ATAT1: variants seen among roughly 807,000 people sequenced by gnomAD.
ATAT1 encodes the protein alpha tubulin acetyltransferase 1, also known as alpha-tubulin N-acetyltransferase 1.
A neutral mutation model predicts 57.2 loss-of-function variants in ATAT1; 42 were observed. The observed-to-expected ratio is 0.73, with a 90% CI of 0.57 to 0.95. The LOEUF (loss-of-function observed/expected upper bound fraction) is 0.95, where lower values mean the gene tolerates loss of function less well. Among genes scored for constraint, ATAT1 ranks in the 40% least tolerant of loss-of-function variants. The pLI is 0.00. For synonymous variants in ATAT1, 168 were observed against 187.1 expected, an observed-to-expected ratio of 0.90 and a Z score of 0.83; for missense variants, 454 against 523.7, an observed-to-expected ratio of 0.87 and a Z score of 1.30.
chr6:30,627,728 G>A lies in ATAT1; in HGVS notation c.224+1G>A. On this transcript the variant is annotated splice_donor_variant, in intron 3 of 12. Coordinates refer to ENST00000330083, the MANE Select transcript of ATAT1 (RefSeq NM_001031722.4). LOFTEE classifies it high-confidence loss of function. The stretch of plus-strand genomic sequence containing the variant: ...TTCTCAAAGACAGTTCAGCCCGACC[G>A]TGAGTGCCACATGCTCTTCCATCCC... 1.2e-6 allele frequency: 2 copies of A among 1,612,018 alleles called. No homozygotes were observed. The highest frequency in any genetic ancestry group is 1.7e-6 in the Non-Finnish European group (2 of 1,179,108).
Position 30,643,002 on chromosome 6 carries a change from G to C in ATAT1, c.923G>C (p.Arg308Pro). The change falls in exon 10 of 13, where the codon CGT becomes CCT. Residue 308 changes from arginine to proline, a missense_variant. Coordinates refer to ENST00000330083, the MANE Select transcript of ATAT1 (RefSeq NM_001031722.4). ...CCTGGGGGCAGCCCAGCTCAACGTCGTCGCACCAGGTAATAGGAGTTGAAG... is the reference window on the plus strand; with the variant it reads ...CCTGGGGGCAGCCCAGCTCAACGTCCTCGCACCAGGTAATAGGAGTTGAAG... The C allele has an allele frequency of 1.2e-6, 2 of 1,612,462 alleles. No individual in the cohort carries two copies. Among genetic ancestry groups the C allele is most frequent in the Non-Finnish European group, 1.7e-6 (2 of 1,179,284 alleles).
chr6:30,637,870 G>A (rs989228596), intron 6 of ATAT1, among the ~76,000 whole-genome samples: 1 of 152,088 alleles, frequency 6.6e-6, no homozygotes, highest in Non-Finnish European at 1.5e-5. Flanking sequence ...CAGCTGCTCC[G>A]GAGGCTGAGG....
chr6:30,642,734 T>G, intron 9 of ATAT1, 34 bp from the exon 10 acceptor site: 1 of 1,393,576 alleles, frequency 7.2e-7, no homozygotes, highest in Non-Finnish European at 1.0e-6. Flanking sequence ...TTTTCTTCTT[T>G]TTCTGTCTTG....
chr6:30,629,425 G>A (rs1416492826), intron 6 of ATAT1, among the ~76,000 whole-genome samples: 4 of 151,788 alleles, frequency 2.6e-5, no homozygotes, highest in African/African-American at 9.7e-5. Flanking sequence ...TGTATTTTTA[G>A]TAGAGATGGA....
chr6:30,638,180 G>A (rs1003435448), intron 6 of ATAT1, among the ~76,000 whole-genome samples: 1 of 151,966 alleles, frequency 6.6e-6, no homozygotes, highest in East Asian at 2.0e-4. Flanking sequence ...CCCGGCCCAC[G>A]CCTGGCTAAT....
At chr6:30,630,258 T>C (rs1407677044) in intron 6 of ATAT1, among the ~76,000 whole-genome samples, 1 of 151,842 alleles carries the variant, frequency 6.6e-6, no homozygotes, top group African/African-American at 2.4e-5. Context: ...GAGGCAGAGG[T>C]TGCAGTGAGC....
At chr6:30,630,919 C>A (rs1024293648) in intron 6 of ATAT1, among the ~76,000 whole-genome samples, 1 of 148,182 alleles carries the variant, frequency 6.7e-6, no homozygotes. Flanking sequence ...CCCTGGGGGA[C>A]GAAGCGAGAC....
At chr6:30,644,769 T>C (rs1766328166) in intron 10 of ATAT1, 1 of 486,470 alleles carries the variant, frequency 2.1e-6, no homozygotes, top group Non-Finnish European at 2.7e-6. Flanking sequence ...GATCTGCACA[T>C]CTTTTACCCA....
At position 30,627,663 on chromosome 6, in the gene ATAT1, A is replaced by G. The variant is rs1183464780; in HGVS notation, c.160A>G (p.Ser54Gly). 1 of 1,613,024 alleles carries G rather than the reference A, an allele frequency of 6.2e-7. No homozygotes were observed. The highest frequency in any genetic ancestry group is 8.5e-7 in the Non-Finnish European group (1 of 1,179,968). The change falls in exon 3 of 13, where the codon AGT becomes GGT. Residue 54 changes from serine (S) to glycine (G), a missense_variant. Transcript: ENST00000330083. The stretch of plus-strand genomic sequence containing the variant: ...CCAGAATCTTTCCGCTCCTATCACT[A>G]GTGCATCAAGGATGCAGAGTAACCG...
chr6:30,637,367 C>CTT (rs769594150), intron 6 of ATAT1, among the ~76,000 whole-genome samples: 17 of 142,586 alleles, frequency 1.2e-4, no homozygotes, highest in Admixed American at 2.1e-4. Context: ...ACCCAGTGAA[C>CTT]TTTTTTTTTT....
intron 6 of ATAT1, among the ~76,000 whole-genome samples, chr6:30,630,605 C>T (rs553797948): frequency 2.8e-4 from 43 of 151,598 alleles, no homozygotes; most frequent in South Asian, 2.1e-3. Flanking sequence ...CACTGCACTC[C>T]AGCCTGAGCG....
At chr6:30,637,015 C>T (rs1252766154) in intron 6 of ATAT1, among the ~76,000 whole-genome samples, 3 of 152,004 alleles carry the variant, frequency 2.0e-5, no homozygotes, top group Non-Finnish European at 2.9e-5. Flanking sequence ...GTTGGCCAGA[C>T]GTCTCGAACT....
intron 10 of ATAT1, chr6:30,644,744 AT>A: frequency 1.5e-6 from 1 of 660,692 alleles, no homozygotes; most frequent in Non-Finnish European, 1.9e-6. Flanking sequence ...TGTCCCTCTC[AT>A]TTCTCACTTC....
chr6:30,638,280 C>T (rs1764589500), intron 6 of ATAT1, among the ~76,000 whole-genome samples: 2 of 151,926 alleles, frequency 1.3e-5, no homozygotes, highest in African/African-American at 4.8e-5. Context: ...CATGAGCCAC[C>T]ATGCCCAGCC....
Position 30,627,476 on chromosome 6 carries a change from C to G in ATAT1, c.88C>G (p.Gln30Glu). 1 of 1,613,566 alleles carries G rather than the reference C, an allele frequency of 6.2e-7. No individual in the cohort carries two copies. Among genetic ancestry groups the G allele is most frequent in the South Asian group, 1.1e-5 (1 of 91,074 alleles). Residue 30 changes from glutamine (Q) to glutamate (E), a missense_variant, in exon 2 of 13, where the codon CAA becomes GAA. By Grantham distance (29) the Gln-to-Glu change is conservative (BLOSUM62 2). Transcript: ENST00000330083. ...TTTCTCTAGTGTTGATCTACAGCAG[C>G]AAATTATGACCATTATAGATGAACT...
At chr6:30,645,015 A>G (rs1474998854) in intron 10 of ATAT1, among the ~76,000 whole-genome samples, 1 of 151,462 alleles carries the variant, frequency 6.6e-6, no homozygotes, top group East Asian at 1.9e-4. Flanking sequence ...TCCACTAATT[A>G]CCTCCTGCCT....
chr6:30,627,322 T>C, intron 1 of ATAT1, 138 bp from the exon 2 acceptor site: 2 of 1,612,690 alleles, frequency 1.2e-6, no homozygotes. Flanking sequence ...GAAATCAGAT[T>C]GGAAGACTCC....
At chr6:30,640,877 T>G (rs1364131237) in intron 8 of ATAT1, among the ~76,000 whole-genome samples, 1 of 152,040 alleles carries the variant, frequency 6.6e-6, no homozygotes, top group Non-Finnish European at 1.5e-5. Flanking sequence ...TAGGCCAGAG[T>G]CAGGCTCCTT....
chr6:30,641,149 TGACA>T (rs1436907870), intron 8 of ATAT1, among the ~76,000 whole-genome samples: 1 of 149,664 alleles, frequency 6.7e-6, no homozygotes, highest in Non-Finnish European at 1.5e-5. Flanking sequence ...ACACACTTAC[TGACA>T]GTCTGAGCCC....
Sources: allele counts gnomAD v4.1 joint callset (sites outside exome capture counted in the v4.1 genomes callset), GRCh38; gene constraint gnomAD v4.1.1; transcripts MANE v1.5; gene names NCBI Gene and HGNC (gene_info 2026-07-23, HGNC 2026-07-21).